STK32B: variants seen among roughly 807,000 people sequenced by gnomAD.
The protein encoded by STK32B is serine/threonine-protein kinase 32B.
STK32B carries 43 observed loss-of-function variants against 52.6 expected under a neutral mutation model. That is an observed-to-expected ratio of 0.82 (90% CI 0.64 to 1.05). STK32B has a LOEUF of 1.05. STK32B is among the 50% of genes least tolerant of loss of function. STK32B has a pLI of 0.00. For missense variants in STK32B, 621 were observed against 534.6 expected (o/e 1.16, Z -1.59); for synonymous variants, 238 against 204.3 (o/e 1.17, Z -1.41).
rs1447513264 is a variant in STK32B, at chr4:5,399,663, C to A, written c.472+1419C>A. Reference sequence around the variant, plus strand: ...TTCAGATGTGGCACTCAGCTGAGCCCCCAGCCAGCTGAATGTCCTTGGGCC... The same window carrying A: ...TTCAGATGTGGCACTCAGCTGAGCCACCAGCCAGCTGAATGTCCTTGGGCC... On this transcript the variant is annotated intron_variant, in intron 5 of 11. Transcript: ENST00000282908. This position sits in a 1 kb window ranked among gnomAD's most constrained non-coding sequence, Gnocchi z 5.4. Among the ~76,000 whole-genome samples, 2 of 152,130 alleles carry A rather than the reference C, an allele frequency of 1.3e-5. No homozygotes were observed. Among genetic ancestry groups the A allele is most frequent in the African/African-American group, 2.4e-5 (1 of 41,420 alleles).
Position 5,466,770 on chromosome 4 carries a change from A to G in STK32B, c.977A>G (p.His326Arg). The G allele has an allele frequency of 1.9e-6, 3 of 1,614,120 alleles. No individual in the cohort carries two copies. Among genetic ancestry groups the G allele is most frequent in the Non-Finnish European group, 2.5e-6 (3 of 1,179,990 alleles). ...ATGATTCTAGAATCCAAGCCACTTC[A>G]CAAAAAGAAGAAGCGATTGGCAAAG... is the stretch of plus-strand genomic sequence containing the variant. ...EEMILESKPL[H>R]KKKKRLAKNR... Residue 326 changes from histidine (H) to arginine (R), a missense_variant, in exon 10 of 12, where the codon CAC (histidine) becomes CGC (arginine). By Grantham distance (29) the His-to-Arg change is conservative (BLOSUM62 0). Coordinates refer to ENST00000282908, the MANE Select transcript of STK32B (RefSeq NM_018401.3).
chr4:5,355,675 C>T (rs960880206), intron 4 of STK32B, among the ~76,000 whole-genome samples: 7 of 152,144 alleles, frequency 4.6e-5, no homozygotes, highest in African/African-American at 1.7e-4. Flanking sequence ...ATCTCCCACT[C>T]CTTTCCCCCA....
intron 11 of STK32B, among the ~76,000 whole-genome samples, chr4:5,487,424 G>A (rs1719319100): frequency 6.6e-6 from 1 of 152,182 alleles, no homozygotes; most frequent in Non-Finnish European, 1.5e-5. Context: ...TATGATAAAT[G>A]ATTAACAACA....
At chr4:5,408,570 C>A (rs543460345) in intron 5 of STK32B, among the ~76,000 whole-genome samples, 1 of 152,038 alleles carries the variant, frequency 6.6e-6, no homozygotes, top group Admixed American at 6.6e-5. Context: ...TATAGCAATG[C>A]GAGAACAAAC....
chr4:5,249,114 T>A (rs1328332816), intron 3 of STK32B, among the ~76,000 whole-genome samples: 5 of 152,192 alleles, frequency 3.3e-5, no homozygotes, highest in Non-Finnish European at 2.9e-5. Context: ...TGCCTTTCTG[T>A]ATCAATACTT....
At position 5,191,793 on chromosome 4, in the gene STK32B, G is replaced by A. The variant is rs935966564; in HGVS notation, c.260+23343G>A. The stretch of plus-strand genomic sequence containing the variant: ...TGATCAAATCAAAAAAAGAATTACG[G>A]GCTTAACAAAATAAATTGCAATTTG... On this transcript the variant is annotated intron_variant, in intron 3 of 11. Coordinates refer to ENST00000282908, the MANE Select transcript of STK32B (RefSeq NM_018401.3). Among the ~76,000 whole-genome samples the A allele has an allele frequency of 3.3e-5, 5 of 152,316 alleles. No individual in the cohort carries two copies. In the South Asian group the frequency reaches 1.0e-3, roughly 32 times the overall value.
intron 3 of STK32B, among the ~76,000 whole-genome samples, chr4:5,250,928 A>G (rs905624095): frequency 2.6e-5 from 4 of 152,042 alleles, no homozygotes; most frequent in Non-Finnish European, 5.9e-5. Flanking sequence ...TTGTTTGCTA[A>G]TTTAAGTTCC....
At chr4:5,263,861 A>G (rs901364549) in intron 3 of STK32B, among the ~76,000 whole-genome samples, 5 of 152,114 alleles carry the variant, frequency 3.3e-5, no homozygotes, top group African/African-American at 1.2e-4. Context: ...CCAGGAAACC[A>G]CTGTGCTTAT....
intron 11 of STK32B, among the ~76,000 whole-genome samples, chr4:5,486,676 C>T (rs902773529): frequency 3.3e-5 from 5 of 152,216 alleles, no homozygotes; most frequent in African/African-American, 1.2e-4. Flanking sequence ...CTGCGTCGCT[C>T]ATGCTGGGAG....
At chr4:5,023,314 G>T in the STK32B span, among the ~76,000 whole-genome samples, 214 of 152,336 alleles carry the variant, frequency 1.4e-3, no homozygotes, top group Middle Eastern at 0.017. Context: ...GGGTTTGGTA[G>T]AATAACAGAA....
At chr4:5,138,477 T>C (rs186896922) in intron 1 of STK32B, among the ~76,000 whole-genome samples, 7 of 152,336 alleles carry the variant, frequency 4.6e-5, no homozygotes, top group Admixed American at 4.6e-4. Flanking sequence ...CAAACACTTA[T>C]TATGTACCAG....
At position 5,439,534 on chromosome 4, in the gene STK32B, T is replaced by G. The variant is rs569639942; in HGVS notation, c.563-7139T>G. ...TGTCAGATGAGTAGGTTGTGAAATT[T>G]TTCTCCCATTTTGTAGGTTGCCTGT... On this transcript the variant is annotated intron_variant, in intron 6 of 11. Transcript: ENST00000282908. 6.5e-3 allele frequency among the ~76,000 whole-genome samples: 967 copies of G among 149,364 alleles called. 10 individuals are homozygous for G. Among genetic ancestry groups the G allele is most frequent in the African/African-American group, 0.023 (907 of 38,834 alleles).
intron 4 of STK32B, among the ~76,000 whole-genome samples, chr4:5,387,587 G>A (rs195138): frequency 0.82 from 124,951 of 152,000 alleles, 51,911 homozygotes; most frequent in East Asian, 0.88. Flanking sequence ...CACTCCAGCC[G>A]TGCATGCAGA....
rs7661692 is a variant in STK32B, at chr4:5,470,126, G to A, written c.1106+2056G>A. Among the ~76,000 whole-genome samples the A allele has an allele frequency of 0.5, 76,348 of 152,100 alleles. 21,126 individuals are homozygous for A. The highest frequency in any genetic ancestry group is 0.73 in the African/African-American group (30,090 of 41,490). On this transcript the variant is annotated intron_variant, in intron 11 of 11. Transcript: ENST00000282908. This position sits in a 1 kb window ranked among gnomAD's most constrained non-coding sequence, Gnocchi z 4.6. ...TTTGGATTCTTCCTTTTAAAAGGAA[G>A]TGAGAATGAGACATCCTTCCCTGTG...
At chr4:5,024,416 T>G in the STK32B span, among the ~76,000 whole-genome samples, 1 of 152,224 alleles carries the variant, frequency 6.6e-6, no homozygotes, top group Non-Finnish European at 1.5e-5. Flanking sequence ...ATTTTGTACT[T>G]GGCCAATGTC....
At chr4:5,339,227 C>G (rs1196406022) in intron 4 of STK32B, among the ~76,000 whole-genome samples, 2 of 152,180 alleles carry the variant, frequency 1.3e-5, no homozygotes, top group Non-Finnish European at 2.9e-5. Context: ...TTGCAGATAG[C>G]AGATCATAGG....
the STK32B span, among the ~76,000 whole-genome samples, chr4:5,034,447 G>A: frequency 3.3e-5 from 5 of 152,052 alleles, no homozygotes; most frequent in South Asian, 8.3e-4. Flanking sequence ...TATTCTATGC[G>A]CTCCCCTCCC....
chr4:5,293,605 C>T (rs922351156), intron 3 of STK32B, among the ~76,000 whole-genome samples: 2 of 152,128 alleles, frequency 1.3e-5, no homozygotes, highest in African/African-American at 4.8e-5. Context: ...AGTGTCTGTT[C>T]ATGTCCTTTG....
intron 5 of STK32B, among the ~76,000 whole-genome samples, chr4:5,406,411 A>T (rs1403540697): frequency 6.6e-6 from 1 of 152,054 alleles, no homozygotes; most frequent in Non-Finnish European, 1.5e-5. Context: ...TCACAACTCC[A>T]CTAGGCAGTG....
Sources: allele counts gnomAD v4.1 joint callset (sites outside exome capture counted in the v4.1 genomes callset), GRCh38; gene constraint gnomAD v4.1.1; non-coding constraint Gnocchi (gnomAD v3.1); transcripts MANE v1.5; gene names NCBI Gene and HGNC (gene_info 2026-07-23, HGNC 2026-07-21).